The following CTNNA3 variants were observed in gnomAD, a reference collection of about 807,000 sequenced individuals.
CTNNA3 encodes the protein catenin alpha 3, also known as catenin alpha-3.
CTNNA3 carries 76 observed loss-of-function variants against 95.7 expected under a neutral mutation model. The ratio of observed to expected loss-of-function variants is 0.79; its 90% confidence interval spans 0.66 to 0.96. The LOEUF (loss-of-function observed/expected upper bound fraction) is 0.96, where lower values mean the gene tolerates loss of function less well. CTNNA3 is among the 40% of genes least tolerant of loss of function. The pLI, the probability that CTNNA3 is intolerant of heterozygous loss-of-function variation, is 0.00. For synonymous variants in CTNNA3, 431 were observed against 374.4 expected (o/e 1.15, Z -1.74); for missense variants, 1,191 against 1,089.8 (o/e 1.09, Z -1.31).
chr10:66,268,103 A>G lies in CTNNA3; in HGVS notation c.1884+12367T>C, dbSNP rs117679794. ...TGAAAATGATGATGATGATGATGAT[A>G]ATAATGATGATGATGACTATGATAA... On this transcript the variant is annotated intron_variant, in intron 13 of 17. Coordinates refer to ENST00000433211, the MANE Select transcript of CTNNA3 (RefSeq NM_013266.4). 3.3e-3 allele frequency among the ~76,000 whole-genome samples: 504 copies of G among 152,138 alleles called. 2 individuals are homozygous for G. The highest frequency in any genetic ancestry group is 8.2e-3 in the African/African-American group (341 of 41,504).
intron 7 of CTNNA3, among the ~76,000 whole-genome samples, chr10:67,134,544 TC>T (rs1287838350): frequency 6.6e-6 from 1 of 152,124 alleles, no homozygotes; most frequent in African/African-American, 2.4e-5. Context: ...GCTGGTGGAT[TC>T]CTCAATTCCT....
intron 13 of CTNNA3, among the ~76,000 whole-genome samples, chr10:66,134,605 G>T (rs1221063567): frequency 6.6e-6 from 1 of 152,052 alleles, no homozygotes; most frequent in Non-Finnish European, 1.5e-5. Context: ...AAGAATATTT[G>T]CTTTCAAACA....
chr10:67,438,884 A>T (rs1846396658), intron 5 of CTNNA3, among the ~76,000 whole-genome samples: 1 of 152,176 alleles, frequency 6.6e-6, no homozygotes, highest in African/African-American at 2.4e-5. Context: ...GCCAGAGGGA[A>T]ATCGCCCATC....
chr10:66,185,500 G>C (rs1462816), intron 13 of CTNNA3, among the ~76,000 whole-genome samples: 74,094 of 151,726 alleles, frequency 0.49, 18,869 homozygotes, highest in African/African-American at 0.64. Flanking sequence ...AATACTGCAC[G>C]AAAAATGACA....
chr10:67,740,754 T>C (rs1422883070), intron 1 of CTNNA3, among the ~76,000 whole-genome samples: 1 of 151,414 alleles, frequency 6.6e-6, no homozygotes, highest in East Asian at 1.9e-4. Flanking sequence ...AGTGTGGCAA[T>C]TCCTCAGGGA....
At chr10:67,183,556 G>C (rs1862683981) in intron 6 of CTNNA3, among the ~76,000 whole-genome samples, 1 of 151,880 alleles carries the variant, frequency 6.6e-6, no homozygotes, top group South Asian at 2.1e-4. Flanking sequence ...GGAGGAGGGG[G>C]GAGGGATAGC....
At chr10:66,761,127 G>T (rs749113053) in intron 9 of CTNNA3, among the ~76,000 whole-genome samples, 3 of 152,156 alleles carry the variant, frequency 2.0e-5, no homozygotes, top group Non-Finnish European at 4.4e-5. Flanking sequence ...AAAAAGCAAA[G>T]AAATTAGCAG....
intron 12 of CTNNA3, among the ~76,000 whole-genome samples, chr10:66,293,200 G>A: frequency 6.6e-6 from 1 of 152,044 alleles, no homozygotes; most frequent in Non-Finnish European, 1.5e-5. Context: ...ATCTCTTTGA[G>A]GTAAAACAAG....
intron 10 of CTNNA3, among the ~76,000 whole-genome samples, chr10:66,584,102 T>C (rs530644105): frequency 6.6e-6 from 1 of 151,972 alleles, no homozygotes; most frequent in Non-Finnish European, 1.5e-5. Context: ...ACCTATCATA[T>C]AATCTATCTT....
chr10:67,176,881 C>A (rs1207709446), intron 7 of CTNNA3: 1 of 477,938 alleles, frequency 2.1e-6, no homozygotes, highest in South Asian at 1.5e-5. Context: ...CTGGAAAAGG[C>A]AAAAATAATG....
intron 5 of CTNNA3, among the ~76,000 whole-genome samples, chr10:67,350,286 A>AAGTTGGT (rs1842581666): frequency 2.6e-5 from 4 of 152,086 alleles, no homozygotes; most frequent in Admixed American, 1.3e-4. Flanking sequence ...GTCATGAACA[A>AAGTTGGT]ATGTTGGTAT....
intron 11 of CTNNA3, among the ~76,000 whole-genome samples, chr10:66,436,515 T>A (rs1397404955): frequency 7.2e-6 from 1 of 138,166 alleles, no homozygotes; most frequent in East Asian, 2.1e-4. Flanking sequence ...TTTTTTTTTT[T>A]TTTTTTTTTT....
chr10:66,536,767 G>A (rs1841674255), intron 10 of CTNNA3, among the ~76,000 whole-genome samples: 1 of 152,112 alleles, frequency 6.6e-6, no homozygotes, highest in Non-Finnish European at 1.5e-5. Context: ...TAGATTATTT[G>A]TAATTGAACC....
intron 5 of CTNNA3, among the ~76,000 whole-genome samples, chr10:67,290,986 G>A (rs1839815294): frequency 6.6e-6 from 1 of 152,070 alleles, no homozygotes; most frequent in Non-Finnish European, 1.5e-5. Context: ...CCTTTCTTAT[G>A]TAATATAATA....
rs975555718 is a variant in CTNNA3, at chr10:66,501,058, A to G, written c.1531+19559T>C. Among the ~76,000 whole-genome samples, 5 of 152,318 alleles carry G rather than the reference A, an allele frequency of 3.3e-5. No homozygotes were observed. In the East Asian group the frequency reaches 9.6e-4, roughly 29 times the overall value. ...ACAAGAAAATCTGACAGAGAAAACA[A>G]GCATTTGCAAAATTATTTATAAATG... On this transcript the variant is annotated intron_variant, in intron 11 of 17. Coordinates refer to ENST00000433211, the MANE Select transcript of CTNNA3 (RefSeq NM_013266.4).
intron 12 of CTNNA3, among the ~76,000 whole-genome samples, chr10:66,309,942 TAAATAAATAA>T (rs1475710211): frequency 2.6e-5 from 3 of 114,632 alleles, no homozygotes; most frequent in African/African-American, 1.0e-4. Context: ...AATAAATAAA[TAAATAAATAA>T]ATAAAATAAA....
chr10:67,008,045 G>C (rs1481779240), intron 7 of CTNNA3, among the ~76,000 whole-genome samples: 1 of 151,112 alleles, frequency 6.6e-6, no homozygotes, highest in Non-Finnish European at 1.5e-5. Flanking sequence ...TGAAATTAAT[G>C]AATTTACTAA....
Position 67,078,556 on chromosome 10 carries a change from G to A in CTNNA3, c.1047+101761C>T, listed in dbSNP as rs139094890. On this transcript the variant is annotated intron_variant, in intron 7 of 17. Coordinates refer to ENST00000433211, the MANE Select transcript of CTNNA3 (RefSeq NM_013266.4). The stretch of plus-strand genomic sequence containing the variant: ...ATTTGAGAAGGAGTCTCGCTCTGTC[G>A]CCCAGGCTGGAGTGCAGTGGTGCAA... Among the ~76,000 whole-genome samples the A allele has an allele frequency of 2.7e-4, 41 of 151,468 alleles. No homozygotes were observed. The East Asian group carries it at 5.7e-3, about 21-fold the overall frequency.
intron 13 of CTNNA3, among the ~76,000 whole-genome samples, chr10:66,191,769 A>C (rs1197049004): frequency 6.6e-6 from 1 of 152,190 alleles, no homozygotes; most frequent in East Asian, 1.9e-4. Flanking sequence ...CAGACTATCC[A>C]TAATGGCCCT....
Sources: gnomAD v4.1 joint callset for allele counts (sites outside exome capture counted in the v4.1 genomes callset) on GRCh38, gnomAD v4.1.1 for gene constraint, MANE v1.5 for transcripts, NCBI Gene and HGNC (gene_info 2026-07-23, HGNC 2026-07-21) for gene names.